Variants in TEX14 observed in about 807,000 individuals in gnomAD.
TEX14 encodes inactive serine/threonine-protein kinase TEX14.
Under a neutral mutation model 178.6 loss-of-function variants are expected in TEX14, and 168 were observed. That is an observed-to-expected ratio of 0.94 (90% confidence interval 0.83 to 1.07). TEX14 has a LOEUF of 1.07. Ranked by LOEUF, TEX14 falls within the 50% of genes least tolerant of loss-of-function variation. The pLI is 0.00. For synonymous variants in TEX14, 626 were observed against 634.1 expected (o/e 0.99, Z 0.19); for missense variants, 1,730 against 1,753.6 (o/e 0.99, Z 0.24).
At chr17:58,637,856 CTTTT>C in intron 2 of TEX14, among the ~76,000 whole-genome samples, 1 of 135,704 alleles carries the variant, frequency 7.4e-6, no homozygotes, top group East Asian at 2.1e-4. Flanking sequence ...AACCTACTGC[CTTTT>C]TTTTTTTTTT....
Position 58,561,527 on chromosome 17 carries a change from A to T in TEX14, c.4150T>A (p.Ser1384Thr). The T allele has an allele frequency of 3.7e-6, 6 of 1,611,396 alleles. No homozygotes were observed. The highest frequency in any genetic ancestry group is 5.1e-6 in the Non-Finnish European group (6 of 1,177,520). The change falls in exon 29 of 32, where the codon TCT becomes ACT. Residue 1384 changes from serine to threonine, a missense_variant. Around this residue, in one of 2 missense-constraint regions of TEX14, gnomAD observed 941 missense variants for 1,072.4 expected, o/e 0.88. Transcript: ENST00000349033. ...CCTTTGGGGAACAATAACCTTTCAGAGCCCTTGGGAAGGTCTTGTAGCTCC... is the reference window on the plus strand; with the variant it reads ...CCTTTGGGGAACAATAACCTTTCAGTGCCCTTGGGAAGGTCTTGTAGCTCC... Reference protein sequence around the residue: ...SVELQDLPKGSERETNIKDQK... With the variant: ...SVELQDLPKGTERETNIKDQK...
intron 1 of TEX14, among the ~76,000 whole-genome samples, chr17:58,657,503 T>C (rs2046994414): frequency 1.2e-5 from 1 of 84,806 alleles, no homozygotes; most frequent in South Asian, 4.4e-4. Flanking sequence ...CGGGAAATGC[T>C]TTTTTTTTTT....
chr17:58,628,624 A>G (rs936704666), intron 3 of TEX14, among the ~76,000 whole-genome samples: 2 of 152,092 alleles, frequency 1.3e-5, no homozygotes, highest in African/African-American at 4.8e-5. Flanking sequence ...AGGCAGGAGA[A>G]TCACTTGAAC....
chr17:58,580,183 C>T (rs1301610058), intron 19 of TEX14, among the ~76,000 whole-genome samples: 1 of 152,142 alleles, frequency 6.6e-6, no homozygotes, highest in African/African-American at 2.4e-5. Flanking sequence ...GTTTCATTTC[C>T]TTTTTTTCAA....
chr17:58,565,466 C>T (rs2044377558), intron 27 of TEX14, among the ~76,000 whole-genome samples: 1 of 152,160 alleles, frequency 6.6e-6, no homozygotes, highest in African/African-American at 2.4e-5. Flanking sequence ...GGGAAGAGGA[C>T]TAACATTTGC....
At chr17:58,564,835 T>C in intron 28 of TEX14, 34 bp downstream of exon 28, 1 of 1,331,178 alleles carries the variant, frequency 7.5e-7, no homozygotes, top group Non-Finnish European at 1.0e-6. Context: ...TACAATTTTT[T>C]AAATCCTTTC....
chr17:58,678,590 C>T (rs1183227572), intron 1 of TEX14, among the ~76,000 whole-genome samples: 1 of 151,906 alleles, frequency 6.6e-6, no homozygotes, highest in Non-Finnish European at 1.5e-5. Context: ...AACCAAACAC[C>T]GTATGTTCTC....
chr17:58,659,109 AACAACACACAAGCC>A lies in TEX14; in HGVS notation c.-1-7121_-1-7108del, dbSNP rs927611953. ...AACAACTCTGAAAATAAACACACGC[AACAACACACAAGCC>A]GTCTTTTAAACTAGTTCAATCACAG... is the stretch of plus-strand genomic sequence containing the variant. On this transcript the variant is annotated intron_variant, in intron 1 of 31. Coordinates refer to ENST00000349033, the MANE Select transcript of TEX14 (RefSeq NM_031272.5). 2.7e-5 allele frequency among the ~76,000 whole-genome samples: 4 copies of A among 149,726 alleles called. No individual in the cohort carries two copies. In the East Asian group the frequency reaches 6.0e-4, roughly 23 times the overall value.
intron 24 of TEX14, among the ~76,000 whole-genome samples, chr17:58,571,237 T>TC (rs2044517892): frequency 7.0e-6 from 1 of 143,584 alleles, no homozygotes; most frequent in Non-Finnish European, 1.5e-5. Context: ...TTTCTTTTCT[T>TC]TTTTTTTTTT....
intron 1 of TEX14, among the ~76,000 whole-genome samples, chr17:58,668,954 A>G (rs1403157177): frequency 2.0e-5 from 3 of 152,180 alleles, no homozygotes; most frequent in Admixed American, 1.3e-4. Flanking sequence ...AATTAGAAAA[A>G]AAGGCTGAGA....
intron 2 of TEX14, among the ~76,000 whole-genome samples, chr17:58,648,786 CTTTTTTTT>C (rs34918333): frequency 3.3e-5 from 3 of 89,724 alleles, no homozygotes; most frequent in Non-Finnish European, 6.5e-5. Context: ...CTTTTTTTTT[CTTTTTTTT>C]TTTTTTTTTT....
chr17:58,685,609 A>C (rs772059255), intron 1 of TEX14, among the ~76,000 whole-genome samples: 2 of 152,000 alleles, frequency 1.3e-5, no homozygotes, highest in Non-Finnish European at 2.9e-5. Context: ...AATGGGAAAG[A>C]GGAAAAGGAA....
At chr17:58,622,436 C>T (rs2046020407) in intron 4 of TEX14, among the ~76,000 whole-genome samples, 1 of 148,188 alleles carries the variant, frequency 6.7e-6, no homozygotes, top group Non-Finnish European at 1.5e-5. Flanking sequence ...AGACTCCTTC[C>T]CAAAAAAAAA....
chr17:58,577,906 G>A (rs977304229), intron 20 of TEX14, among the ~76,000 whole-genome samples: 4 of 152,214 alleles, frequency 2.6e-5, no homozygotes, highest in East Asian at 3.8e-4. Flanking sequence ...GGGCGTGGGC[G>A]TGGGGTCTTG....
chr17:58,635,433 T>TC (rs1000683099), intron 2 of TEX14, among the ~76,000 whole-genome samples: 1 of 149,382 alleles, frequency 6.7e-6, no homozygotes, highest in African/African-American at 2.4e-5. Flanking sequence ...TCTCTCTTTT[T>TC]TTTTTTTTTT....
At chr17:58,633,112 C>T (rs2046359964) in intron 2 of TEX14, among the ~76,000 whole-genome samples, 1 of 152,184 alleles carries the variant, frequency 6.6e-6, no homozygotes. Flanking sequence ...TCCTCATACT[C>T]GCCATGCTCC....
At position 58,572,133 on chromosome 17, in the gene TEX14, G is replaced by A. The variant is rs1162868938; in HGVS notation, c.3512-7C>T. 2 of 1,593,278 alleles carry A rather than the reference G, an allele frequency of 1.3e-6. No individual in the cohort carries two copies. Among genetic ancestry groups the A allele is most frequent in the Admixed American group, 3.4e-5 (2 of 59,604 alleles). ...GCAGCTGAAGAAACGGACCCTGTTG[G>A]AGAAAAGCGGAAGGTTACTGTCTGA... is the stretch of plus-strand genomic sequence containing the variant. On this transcript the variant is annotated splice_region_variant and splice_polypyrimidine_tract_variant and intron_variant, in intron 23 of 31. Coordinates refer to ENST00000349033, the MANE Select transcript of TEX14 (RefSeq NM_031272.5).
intron 14 of TEX14, among the ~76,000 whole-genome samples, chr17:58,598,327 A>G (rs928023200): frequency 2.6e-5 from 4 of 151,820 alleles, no homozygotes; most frequent in Non-Finnish European, 4.4e-5. Context: ...AAAAAAAAAA[A>G]AAAAGAAAAA....
At chr17:58,691,715 CT>C (rs1444043773) in intron 1 of TEX14, among the ~76,000 whole-genome samples, 1 of 151,790 alleles carries the variant, frequency 6.6e-6, no homozygotes, top group African/African-American at 2.4e-5. Flanking sequence ...AAGTTACCCC[CT>C]GCTAAATAAG....
Sources: gnomAD v4.1 joint callset for allele counts (sites outside exome capture counted in the v4.1 genomes callset) on GRCh38, gnomAD v4.1.1 for gene constraint, gnomAD v4.1.1 regional missense constraint, MANE v1.5 for transcripts, NCBI Gene and HGNC (gene_info 2026-07-23, HGNC 2026-07-21) for gene names.